GRIK1: variants seen among roughly 807,000 people sequenced by gnomAD.
GRIK1 encodes glutamate ionotropic receptor kainate type subunit 1.
GRIK1 carries 69 observed loss-of-function variants against 105.7 expected under a neutral mutation model. That is an observed-to-expected ratio of 0.65 (90% CI 0.54 to 0.80). GRIK1 has a LOEUF of 0.80. Among genes scored for constraint, GRIK1 ranks in the 30% least tolerant of loss-of-function variants. The probability of loss-of-function intolerance (pLI) is 0.00; values close to 1 mark genes in which losing one functional copy is unlikely to be tolerated. For missense variants in GRIK1, 1,109 were observed against 1,167.3 expected (o/e 0.95, Z 0.73); for synonymous variants, 438 against 431.3 (o/e 1.02, Z -0.19).
At chr21:29,551,325 T>C (rs886773427) in intron 16 of GRIK1, among the ~76,000 whole-genome samples, 43 of 152,188 alleles carry the variant, frequency 2.8e-4, no homozygotes, top group African/African-American at 1.0e-3. Context: ...AAACTTTGTG[T>C]TCCAGAAATT....
intron 1 of GRIK1, among the ~76,000 whole-genome samples, chr21:29,713,092 G>C (rs975712368): frequency 6.6e-6 from 1 of 152,074 alleles, no homozygotes; most frequent in African/African-American, 2.4e-5. Context: ...CAAGCCATCA[G>C]ACTTAAAGCT....
intron 7 of GRIK1, among the ~76,000 whole-genome samples, chr21:29,611,822 C>A (rs2061736633): frequency 6.6e-6 from 1 of 152,120 alleles, no homozygotes; most frequent in African/African-American, 2.4e-5. Context: ...CATTCTCAAG[C>A]CCAAAATAAA....
In GRIK1 at chr21:29,815,701, A is replaced by G. The variant is rs188746478; in HGVS notation, c.119-121638T>C. 4.6e-5 allele frequency among the ~76,000 whole-genome samples: 7 copies of G among 152,326 alleles called. No homozygotes were observed. In the East Asian group the frequency reaches 1.3e-3, roughly 29 times the overall value. On this transcript the variant is annotated intron_variant, in intron 1 of 17. Transcript: ENST00000327783. Reference sequence around the variant, plus strand: ...ATCACTCTATCATAAGTAATTCTGAATTATGATGATGATTATAGCTATGAG... The same window carrying G: ...ATCACTCTATCATAAGTAATTCTGAGTTATGATGATGATTATAGCTATGAG...
intron 1 of GRIK1, among the ~76,000 whole-genome samples, chr21:29,871,199 T>A (rs1247410997): frequency 6.6e-6 from 1 of 152,204 alleles, no homozygotes; most frequent in African/African-American, 2.4e-5. Context: ...GATTGCATCC[T>A]AGTCCTTCGG....
chr21:29,826,565 C>A (rs1438450994), intron 1 of GRIK1, among the ~76,000 whole-genome samples: 1 of 152,108 alleles, frequency 6.6e-6, no homozygotes, highest in African/African-American at 2.4e-5. Flanking sequence ...AGTGGGTCTT[C>A]CCTCTGTCTC....
Position 29,541,575 on chromosome 21 carries a change from C to CTTTTTTTT in GRIK1, c.2608-3699_2608-3692dup, listed in dbSNP as rs34910439. ...CTATGCCATTCATTGCACTCACGGT[C>CTTTTTTTT]TTTTTTTTTTTTTTTTTTTTTGTGG... On this transcript the variant is annotated intron_variant, in intron 16 of 17. Coordinates refer to ENST00000327783, the MANE Select transcript of GRIK1 (RefSeq NM_001330994.2). 5.8e-3 allele frequency among the ~76,000 whole-genome samples: 560 copies of CTTTTTTTT among 95,846 alleles called. 59 individuals carry two copies. Among genetic ancestry groups the CTTTTTTTT allele is most frequent in the African/African-American group, 0.021 (439 of 20,878 alleles). 62.9% of individuals were successfully genotyped at this position (95,846 alleles called of 152,430 possible). A position where few individuals can be genotyped will look rare whatever the true frequency, so the allele number is the denominator to read the frequency against.
At chr21:29,680,748 C>G (rs1490738911) in intron 3 of GRIK1, among the ~76,000 whole-genome samples, 1 of 152,174 alleles carries the variant, frequency 6.6e-6, no homozygotes, top group Non-Finnish European at 1.5e-5. Flanking sequence ...TCTTACTGTG[C>G]CTAACTTATA....
chr21:29,749,363 G>T (rs1459241535), intron 1 of GRIK1, among the ~76,000 whole-genome samples: 2 of 152,226 alleles, frequency 1.3e-5, no homozygotes, highest in Non-Finnish European at 2.9e-5. Flanking sequence ...GAAGTCAGGA[G>T]AATCAGCTTT....
intron 1 of GRIK1, among the ~76,000 whole-genome samples, chr21:29,792,419 C>T (rs464726): frequency 0.15 from 23,282 of 152,092 alleles, 1,760 homozygotes; most frequent in Non-Finnish European, 0.16. Context: ...CCTGAAGGTG[C>T]ATTTACTCTC....
chr21:29,766,581 A>G (rs1460099720), intron 1 of GRIK1, among the ~76,000 whole-genome samples: 2 of 152,128 alleles, frequency 1.3e-5, no homozygotes, highest in Admixed American at 6.5e-5. Flanking sequence ...CAAAATCAAA[A>G]CCAGCATTGT....
chr21:29,754,961 T>TCTAGCTAGCTACCTAG (rs2065298830), intron 1 of GRIK1, among the ~76,000 whole-genome samples: 1 of 152,218 alleles, frequency 6.6e-6, no homozygotes, highest in African/African-American at 2.4e-5. Flanking sequence ...TCTAAATCTA[T>TCTAGCTAGCTACCTAG]CTAGCTAGCT....
At chr21:29,590,879 T>G (rs2061323072) in intron 10 of GRIK1, among the ~76,000 whole-genome samples, 1 of 151,298 alleles carries the variant, frequency 6.6e-6, no homozygotes, top group Admixed American at 6.6e-5. Context: ...GGACAGAGAG[T>G]GGGGCTGAGC....
At chr21:29,889,345 CTT>C (rs1415289263) in intron 1 of GRIK1, among the ~76,000 whole-genome samples, 1 of 152,046 alleles carries the variant, frequency 6.6e-6, no homozygotes, top group Non-Finnish European at 1.5e-5. Flanking sequence ...TCTCCGAGTT[CTT>C]TTAAAAGATA....
intron 1 of GRIK1, among the ~76,000 whole-genome samples, chr21:29,885,227 A>G (rs1056080514): frequency 7.2e-5 from 11 of 152,004 alleles, no homozygotes; most frequent in African/African-American, 2.7e-4. Flanking sequence ...TGTATGTCAG[A>G]GTTTCATGTC....
chr21:29,548,443 A>G (rs1386734397), intron 16 of GRIK1, among the ~76,000 whole-genome samples: 1 of 152,248 alleles, frequency 6.6e-6, no homozygotes, highest in Non-Finnish European at 1.5e-5. Context: ...TGAGAAGCAT[A>G]ATGAGATGTT....
Position 29,537,257 on chromosome 21 carries a change from T to G in GRIK1, c.2823A>C (p.Arg941=), listed in dbSNP as rs377115865. The change falls in exon 18 of 18, where the codon CGA becomes CGC. Residue 941 remains arginine (R), a synonymous_variant. Coordinates refer to ENST00000327783, the MANE Select transcript of GRIK1 (RefSeq NM_001330994.2). Reference sequence around the variant, plus strand: ...ACGCCACAGTCTCTTTTCTCTGAGTTCGTCTCTGATGACAAGTAAGGATAC... The same window carrying G: ...ACGCCACAGTCTCTTTTCTCTGAGTGCGTCTCTGATGACAAGTAAGGATAC... ...FTSILTCHQR[R]TQRKETVA The G allele has an allele frequency of 3.7e-6, 6 of 1,609,710 alleles. No homozygotes were observed. In the African/African-American group the frequency reaches 8.1e-5, roughly 22 times the overall value.
intron 1 of GRIK1, among the ~76,000 whole-genome samples, chr21:29,820,239 C>T (rs572130852): frequency 1.3e-5 from 2 of 152,030 alleles, no homozygotes; most frequent in Non-Finnish European, 2.9e-5. Context: ...TCTTCCTGCT[C>T]TCACTTCCAA....
At chr21:29,547,006 A>T (rs2090060619) in intron 16 of GRIK1, among the ~76,000 whole-genome samples, 2 of 152,078 alleles carry the variant, frequency 1.3e-5, no homozygotes, top group African/African-American at 2.4e-5. Flanking sequence ...GAATAGAGAG[A>T]GTCTTCCTAT....
intron 3 of GRIK1, among the ~76,000 whole-genome samples, chr21:29,679,538 C>G (rs564273594): frequency 1.3e-5 from 2 of 152,198 alleles, no homozygotes; most frequent in Non-Finnish European, 2.9e-5. Flanking sequence ...CTGTTCTTAC[C>G]CTTATTCAGA....
Sources: allele counts gnomAD v4.1 joint callset (sites outside exome capture counted in the v4.1 genomes callset), GRCh38; gene constraint gnomAD v4.1.1; transcripts MANE v1.5; gene names NCBI Gene and HGNC (gene_info 2026-07-23, HGNC 2026-07-21).